DCDC1: variants seen among roughly 807,000 people sequenced by gnomAD.
The protein encoded by DCDC1 is doublecortin domain-containing protein 1.
A neutral mutation model predicts 178.3 loss-of-function variants in DCDC1; 200 were observed. The ratio of observed to expected loss-of-function variants is 1.12; its 90% confidence interval spans 1.00 to 1.26. DCDC1 has a LOEUF of 1.26. DCDC1 is among the 50% of genes most tolerant of loss of function. The pLI is 0.00. For missense variants in DCDC1, 1,983 were observed against 1,749.2 expected, an observed-to-expected ratio of 1.13 and a Z score of -2.38; for synonymous variants, 690 against 604.8, an observed-to-expected ratio of 1.14 and a Z score of -2.07.
chr11:31,307,927 G>A lies in DCDC1; in HGVS notation c.165-19C>T, dbSNP rs1401859451. The A allele has an allele frequency of 1.2e-6, 2 of 1,611,918 alleles. No individual in the cohort carries two copies. Among genetic ancestry groups the A allele is most frequent in the African/African-American group, 2.7e-5 (2 of 74,894 alleles). On this transcript the variant is annotated intron_variant, in intron 3 of 38. Transcript: ENST00000684477. ...AAACTCTCTGGAAGAAACAATGCAT[G>A]GAAGAATACAATTAATTGATTTGTA...
chr11:31,045,365 A>G (rs1286975820), intron 20 of DCDC1, among the ~76,000 whole-genome samples: 1 of 151,462 alleles, frequency 6.6e-6, no homozygotes, highest in East Asian at 1.9e-4. Flanking sequence ...AAGTTTACTG[A>G]ATTTGACCCC....
chr11:30,867,738 T>G (rs973803310), intron 38 of DCDC1, among the ~76,000 whole-genome samples: 1 of 152,152 alleles, frequency 6.6e-6, no homozygotes, highest in African/African-American at 2.4e-5. Flanking sequence ...ATGCAGATCC[T>G]GGTGAGCACC....
intron 20 of DCDC1, among the ~76,000 whole-genome samples, chr11:31,012,813 A>G (rs1231776574): frequency 6.6e-6 from 1 of 152,168 alleles, no homozygotes; most frequent in Non-Finnish European, 1.5e-5. Flanking sequence ...GCAGGAGATT[A>G]TTTATATAAG....
At chr11:30,969,318 T>C (rs1024730177) in intron 20 of DCDC1, among the ~76,000 whole-genome samples, 4 of 152,094 alleles carry the variant, frequency 2.6e-5, no homozygotes, top group African/African-American at 9.7e-5. Context: ...ATTTTGACAC[T>C]ACAAAAGAGG....
intron 10 of DCDC1, among the ~76,000 whole-genome samples, chr11:31,128,689 C>T (rs1961994328): frequency 6.6e-6 from 1 of 152,032 alleles, no homozygotes; most frequent in Non-Finnish European, 1.5e-5. Context: ...GGAGACTTTG[C>T]ACAGGTAATA....
chr11:31,000,153 T>A (rs963855577), intron 20 of DCDC1, among the ~76,000 whole-genome samples: 1 of 152,210 alleles, frequency 6.6e-6, no homozygotes, highest in South Asian at 2.1e-4. Context: ...TGAATCTTCC[T>A]TCAGACAAAC....
At chr11:31,210,710 C>CAAA (rs533444227) in intron 9 of DCDC1, among the ~76,000 whole-genome samples, 1 of 51,424 alleles carries the variant, frequency 1.9e-5, no homozygotes. Context: ...GACTCCGTCT[C>CAAA]AAAAAAAAAA....
chr11:31,156,020 T>C (rs1405794167), intron 9 of DCDC1: 6 of 152,204 alleles, frequency 3.9e-5, no homozygotes, highest in Admixed American at 1.3e-4. Flanking sequence ...CTTCTCAAAC[T>C]TGTCTTGCCC....
intron 9 of DCDC1, among the ~76,000 whole-genome samples, chr11:31,203,156 C>A (rs1971489140): frequency 6.6e-6 from 1 of 151,654 alleles, no homozygotes; most frequent in Admixed American, 6.6e-5. Flanking sequence ...TGAAAGACAG[C>A]CAAAAAATTT....
chr11:31,025,811 A>G (rs901654336), intron 20 of DCDC1, among the ~76,000 whole-genome samples: 1 of 151,760 alleles, frequency 6.6e-6, no homozygotes, highest in Non-Finnish European at 1.5e-5. Flanking sequence ...TATGGCAAAT[A>G]AGCATTCATC....
intron 7 of DCDC1, among the ~76,000 whole-genome samples, chr11:31,270,873 G>T (rs1228450608): frequency 1.3e-5 from 2 of 152,066 alleles, no homozygotes. Flanking sequence ...CTAACTCTGG[G>T]CGACCTTCAC....
chr11:31,208,127 C>A (rs1342202613), intron 9 of DCDC1, among the ~76,000 whole-genome samples: 2 of 152,122 alleles, frequency 1.3e-5, no homozygotes, highest in African/African-American at 4.8e-5. Context: ...GTTTTACTTA[C>A]TATCTATATA....
chr11:31,127,663 T>A, intron 10 of DCDC1, 24 bp from the exon 11 acceptor site: 1 of 698,670 alleles, frequency 1.4e-6, no homozygotes, highest in Non-Finnish European at 2.6e-6. Flanking sequence ...ATTACAAGAG[T>A]TGTTAGCGAG....
At chr11:31,178,339 T>C (rs1380775040) in intron 9 of DCDC1, among the ~76,000 whole-genome samples, 1 of 152,190 alleles carries the variant, frequency 6.6e-6, no homozygotes, top group East Asian at 1.9e-4. Context: ...GATATTCACA[T>C]GCAGAAGAGT....
intron 20 of DCDC1, among the ~76,000 whole-genome samples, chr11:31,032,405 C>A (rs886646684): frequency 6.6e-6 from 1 of 152,002 alleles, no homozygotes; most frequent in African/African-American, 2.4e-5. Flanking sequence ...GATTTAATTT[C>A]CTTTAAAAAG....
intron 9 of DCDC1, among the ~76,000 whole-genome samples, chr11:31,169,725 T>C (rs1175432571): frequency 6.6e-6 from 1 of 152,176 alleles, no homozygotes; most frequent in African/African-American, 2.4e-5. Flanking sequence ...GTGGTATAGT[T>C]AGGGAGATAA....
rs549856564 is a variant in DCDC1, at chr11:31,069,786, C to T, written c.2299-4633G>A. Among the ~76,000 whole-genome samples the T allele has an allele frequency of 2.0e-5, 3 of 152,218 alleles. No individual in the cohort carries two copies. The East Asian group carries it at 5.8e-4, about 29-fold the overall frequency. On this transcript the variant is annotated intron_variant, in intron 18 of 38. Transcript: ENST00000684477. The stretch of plus-strand genomic sequence containing the variant: ...TGTAAGTTCATTTCTGAGGTACATT[C>T]CCCTAATACTAGAAAGAAGATGTAC...
intron 20 of DCDC1, among the ~76,000 whole-genome samples, chr11:31,052,073 C>A (rs1955290630): frequency 1.3e-5 from 2 of 152,118 alleles, no homozygotes; most frequent in African/African-American, 2.4e-5. Flanking sequence ...TGGATAAGAA[C>A]TCACCACCCT....
chr11:30,951,800 C>T (rs562093624), intron 21 of DCDC1, among the ~76,000 whole-genome samples: 1 of 151,900 alleles, frequency 6.6e-6, no homozygotes, highest in Non-Finnish European at 1.5e-5. Context: ...AACATTTGGT[C>T]TGAAAGAACA....
Sources: gnomAD v4.1 joint callset for allele counts (sites outside exome capture counted in the v4.1 genomes callset) on GRCh38, gnomAD v4.1.1 for gene constraint, MANE v1.5 for transcripts, NCBI Gene and HGNC (gene_info 2026-07-23, HGNC 2026-07-21) for gene names.